The following RRP9 variants were observed in gnomAD, a reference collection of about 807,000 sequenced individuals.
RRP9 encodes ribosomal RNA processing 9, U3 small nucleolar RNA binding protein, also known as U3 small nucleolar RNA-interacting protein 2.
RRP9 carries 35 observed loss-of-function variants against 65.5 expected under a neutral mutation model. The observed-to-expected ratio is 0.53, with a 90% confidence interval of 0.41 to 0.71. The LOEUF (loss-of-function observed/expected upper bound fraction) is 0.71, where lower values mean the gene tolerates loss of function less well. RRP9 is among the 30% of genes least tolerant of loss of function. RRP9 has a pLI of 0.00. For synonymous variants in RRP9, 254 were observed against 245.0 expected, an observed-to-expected ratio of 1.04 and a Z score of -0.34; for missense variants, 533 against 633.6, an observed-to-expected ratio of 0.84 and a Z score of 1.70.
intron 2 of RRP9, among the ~76,000 whole-genome samples, chr3:51,939,374 A>G (rs561783990): frequency 5.9e-5 from 9 of 152,344 alleles, no homozygotes; most frequent in East Asian, 1.9e-4. Context: ...TAATTAATCT[A>G]TTGTTGAAGG....
At chr3:51,939,235 AC>A (rs1466645183) in intron 2 of RRP9, among the ~76,000 whole-genome samples, 5 of 152,206 alleles carry the variant, frequency 3.3e-5, no homozygotes, top group African/African-American at 1.2e-4. Context: ...CCAAAGCTGG[AC>A]CATGCCCCAG....
rs1364438870 is a variant in RRP9, at chr3:51,941,876, C to T, written c.-9G>A. ...GCCGCTGTTGCCGACATGCTGCCCA[C>T]CAGGCGTGTAGCAGCGGCCGCAGAA... On this transcript the variant is annotated 5_prime_UTR_variant, in exon 1 of 15. The change creates a new upstream start codon in the 5' untranslated region. Coordinates refer to ENST00000232888, the MANE Select transcript of RRP9 (RefSeq NM_004704.5). 2 of 1,574,566 alleles carry T rather than the reference C, an allele frequency of 1.3e-6. No individual in the cohort carries two copies. The highest frequency in any genetic ancestry group is 1.1e-5 in the South Asian group (1 of 87,110).
At chr3:51,935,788 T>C in intron 8 of RRP9, 96 bp from the exon 9 acceptor site, 1 of 993,844 alleles carries the variant, frequency 1.0e-6, no homozygotes, top group South Asian at 1.3e-5. Context: ...GCAAGCCATG[T>C]GGCACGTGCT....
intron 11 of RRP9, 41 bp downstream of exon 11, chr3:51,935,156 G>T: frequency 1.2e-6 from 2 of 1,611,396 alleles, no homozygotes; most frequent in South Asian, 2.2e-5. Flanking sequence ...CAGCACTCAG[G>T]AGCAGAAGCC....
Position 51,934,893 on chromosome 3 carries a change from T to C in RRP9, c.1035-117A>G, listed in dbSNP as rs1054647418. The C allele has an allele frequency of 2.6e-5, 30 of 1,132,500 alleles. No homozygotes were observed. Among genetic ancestry groups the C allele is most frequent in the Non-Finnish European group, 3.2e-5 (26 of 800,346 alleles). 70.2% of individuals were successfully genotyped at this position (1,132,500 alleles called of 1,614,324 possible). A position where few individuals can be genotyped will look rare whatever the true frequency, so the allele number is the denominator to read the frequency against. ...TACCCCATTTCCCATGATGTGATTA[T>C]TACATATTGCATGCCTGTATCAAAA... On this transcript the variant is annotated intron_variant, in intron 11 of 14. Coordinates refer to ENST00000232888, the MANE Select transcript of RRP9 (RefSeq NM_004704.5). The surrounding 1 kb of genome is among the most constrained non-coding windows in gnomAD (Gnocchi z 4.1).
Position 51,936,449 on chromosome 3 carries a change from G to T in RRP9, c.624C>A (p.Ser208=), listed in dbSNP as rs370883391. The T allele has an allele frequency of 3.8e-5, 62 of 1,614,124 alleles. No homozygotes were observed. The South Asian group carries it at 6.8e-4, about 18-fold the overall frequency. The change falls in exon 7 of 15, where the codon TCC becomes TCA. Residue 208 remains serine, a synonymous_variant. Transcript: ENST00000232888. ...GCCTTACAAGGTACTTGCCGTCGGA[G>T]GAGATGGCCATGCAGAGGACGTGGC... is the stretch of plus-strand genomic sequence containing the variant. ...HSSHVLCMAI[S]SDGKYLASGD...
In RRP9 at chr3:51,937,618, G is replaced by A. The variant is rs773282335; in HGVS notation, c.349-32C>T. 6.2e-7 allele frequency: 1 copy of A among 1,614,148 alleles called. No homozygotes were observed. The highest frequency in any genetic ancestry group is 2.2e-5 in the East Asian group (1 of 44,886). On this transcript the variant is annotated intron_variant, in intron 4 of 14. Transcript: ENST00000232888. The surrounding 1 kb of genome is among the most constrained non-coding windows in gnomAD (Gnocchi z 5.0). ...GGAGAAGAGATGGATGAGACCCTGG[G>A]AGCAGATCAGCTCCACCCCCGTCCT...
At chr3:51,940,211 G>A (rs549103097) in intron 2 of RRP9, among the ~76,000 whole-genome samples, 2 of 151,998 alleles carry the variant, frequency 1.3e-5, no homozygotes, top group Non-Finnish European at 2.9e-5. Context: ...AGCCGAGATC[G>A]CACCACTGCA....
At chr3:51,941,610 G>GT (rs1699534115) in intron 1 of RRP9, 119 bp from the exon 2 acceptor site, 1 of 1,167,062 alleles carries the variant, frequency 8.6e-7, no homozygotes, top group Non-Finnish European at 1.3e-6. Flanking sequence ...TGGTTCCCGG[G>GT]TTAAGCGAAC....
In RRP9 at chr3:51,935,235, T is replaced by A; in HGVS notation, c.996A>T (p.Leu332=). 6.2e-7 allele frequency: 1 copy of A among 1,614,104 alleles called. No individual in the cohort carries two copies. Residue 332 remains leucine, a synonymous_variant, in exon 11 of 15, where the codon CTA becomes CTT. Transcript: ENST00000232888. ...CGGACACCATGTGCTCCTCATTGAT[T>A]AGGTGGATGCAGTCGATGGAGCCCC... The part of the protein sequence containing the change: ...GHQGSIDCIH[L]INEEHMVSGA...
intron 1 of RRP9, 112 bp downstream of exon 1, chr3:51,941,669 C>A: frequency 8.8e-7 from 1 of 1,134,902 alleles, no homozygotes; most frequent in Non-Finnish European, 1.3e-6. Flanking sequence ...CTGACTCCAG[C>A]AGGGGTCCAG....
chr3:51,939,473 C>T (rs1699492313), intron 2 of RRP9, among the ~76,000 whole-genome samples: 1 of 152,318 alleles, frequency 6.6e-6, no homozygotes, highest in African/African-American at 2.4e-5. Context: ...AAATGCACAA[C>T]TCTAGGGGCA....
At chr3:51,940,889 A>G (rs1699514780) in intron 2 of RRP9, among the ~76,000 whole-genome samples, 1 of 151,824 alleles carries the variant, frequency 6.6e-6, no homozygotes. Context: ...TGCCTTCCCT[A>G]CCTCTCCGTG....
At position 51,937,362 on chromosome 3, in the gene RRP9, G is replaced by C; in HGVS notation, c.391-44C>G. 6.2e-7 allele frequency: 1 copy of C among 1,613,004 alleles called. No homozygotes were observed. Reference sequence around the variant, plus strand: ...GGTCACTGTGGCTAGTGGCATAAAGGCACTACCTTCACCAACCCCACTGCG... The same window carrying C: ...GGTCACTGTGGCTAGTGGCATAAAGCCACTACCTTCACCAACCCCACTGCG... On this transcript the variant is annotated intron_variant, in intron 5 of 14. Transcript: ENST00000232888. This position sits in a 1 kb window ranked among gnomAD's most constrained non-coding sequence, Gnocchi z 5.0.
At chr3:51,939,124 A>T (rs1699488300) in intron 2 of RRP9, among the ~76,000 whole-genome samples, 1 of 152,198 alleles carries the variant, frequency 6.6e-6, no homozygotes, top group Non-Finnish European at 1.5e-5. Context: ...GTGCCTGAAG[A>T]CATCTAGTCT....
Position 51,933,454 on chromosome 3 carries a change from A to G in RRP9, c.*52T>C. ...GCCCAAAAGAGGAGGCTTTTAATAC[A>G]AAGAGGGTGGGGCATAGCCTGGGAA... is the stretch of plus-strand genomic sequence containing the variant. On this transcript the variant is annotated 3_prime_UTR_variant, in exon 15 of 15. Transcript: ENST00000232888. 1 of 1,475,994 alleles carries G rather than the reference A, an allele frequency of 6.8e-7. No individual in the cohort carries two copies. The highest frequency in any genetic ancestry group is 9.4e-7 in the Non-Finnish European group (1 of 1,062,266). 91.4% of individuals were successfully genotyped at this position (1,475,994 alleles called of 1,614,324 possible).
Position 51,938,137 on chromosome 3 carries a change from G to T in RRP9, c.238C>A (p.Leu80Met). The T allele has an allele frequency of 6.2e-7, 1 of 1,608,376 alleles. No individual in the cohort carries two copies. ...ELEETAQEKK[L>M]RLAKLYLEQL... ...TCTAGGTAGAGCTTGGCCAAGCGCAGCTTCTTTTCCTGTGCAGTTTCCTCC... is the reference window on the plus strand; with the variant it reads ...TCTAGGTAGAGCTTGGCCAAGCGCATCTTCTTTTCCTGTGCAGTTTCCTCC... The change falls in exon 3 of 15, where the codon CTG becomes ATG. Residue 80 changes from leucine (L) to methionine (M), a missense_variant. Transcript: ENST00000232888.
chr3:51,940,875 T>A (rs545015528), intron 2 of RRP9, among the ~76,000 whole-genome samples: 1 of 152,184 alleles, frequency 6.6e-6, no homozygotes, highest in Non-Finnish European at 1.5e-5. Flanking sequence ...CTCTGATCAC[T>A]GAATGCCTTC....
intron 2 of RRP9, among the ~76,000 whole-genome samples, chr3:51,941,090 G>A (rs904287278): frequency 6.6e-6 from 1 of 152,196 alleles, no homozygotes; most frequent in Non-Finnish European, 1.5e-5. Context: ...GAAATTGCAG[G>A]AAAACTGGCA....
Sources: allele counts gnomAD v4.1 joint callset (sites outside exome capture counted in the v4.1 genomes callset), GRCh38; gene constraint gnomAD v4.1.1; non-coding constraint Gnocchi (gnomAD v3.1); transcripts MANE v1.5; gene names NCBI Gene and HGNC (gene_info 2026-07-23, HGNC 2026-07-21).